The following PACC1 variants were observed in gnomAD, a reference collection of about 807,000 sequenced individuals.
The protein encoded by PACC1 is proton activated chloride channel 1.
A neutral mutation model predicts 39.7 loss-of-function variants in PACC1; 34 were observed. The ratio of observed to expected loss-of-function variants is 0.86; its 90% CI spans 0.65 to 1.14. The LOEUF is 1.14. Ranked by LOEUF, PACC1 falls within the 50% of genes most tolerant of loss-of-function variation. PACC1 has a pLI of 0.00. For synonymous variants in PACC1, 127 were observed against 160.6 expected (o/e 0.79, Z 1.58); for missense variants, 379 against 436.4 (o/e 0.87, Z 1.17).
rs10529310 is a variant in PACC1, at chr1:212,381,770, G to GACACAC, written c.496-1739_496-1734dup. Among the ~76,000 whole-genome samples, 402 of 118,134 alleles carry GACACAC rather than the reference G, an allele frequency of 3.4e-3. 9 individuals are homozygous for GACACAC. Among genetic ancestry groups the GACACAC allele is most frequent in the East Asian group, 0.016 (66 of 4,148 alleles). 77.5% of individuals were successfully genotyped at this position (118,134 alleles called of 152,430 possible). A position where few individuals can be genotyped will look rare whatever the true frequency, so the allele number is the denominator to read the frequency against. ...AACAATGCCCAGGGGACAGCACAGT[G>GACACAC]ACACACACACACACACACACACACA... On this transcript the variant is annotated intron_variant, in intron 4 of 7. Transcript: ENST00000261455.
At chr1:212,379,871 C>T in intron 5 of PACC1, 24 bp downstream of exon 5, 1 of 1,613,480 alleles carries the variant, frequency 6.2e-7, no homozygotes, top group Non-Finnish European at 8.5e-7. Context: ...GACAGTAAGC[C>T]CACTGTGAAC....
At chr1:212,414,162 A>G in intron 1 of PACC1, 1 of 1,399,422 alleles carries the variant, frequency 7.1e-7, no homozygotes, top group Non-Finnish European at 9.4e-7. Context: ...GGAGAGACGA[A>G]GAGGAGCGAG....
At chr1:212,410,041 C>G (rs538813891) in intron 2 of PACC1, 3 of 201,974 alleles carry the variant, frequency 1.5e-5, no homozygotes, top group African/African-American at 6.7e-5. Context: ...CCTGCTTACC[C>G]AACTGAGCAG....
At chr1:212,367,012 A>G (rs1282820280) in intron 7 of PACC1, among the ~76,000 whole-genome samples, 1 of 152,214 alleles carries the variant, frequency 6.6e-6, no homozygotes, top group Non-Finnish European at 1.5e-5. Flanking sequence ...TACTAGATTT[A>G]GGCCTGGCTC....
chr1:212,379,873 ACTGTGAACT>A lies in PACC1; in HGVS notation c.638+13_638+21del. On this transcript the variant is annotated intron_variant, in intron 5 of 7. Transcript: ENST00000261455. The stretch of plus-strand genomic sequence containing the variant: ...AAGATAAAAAGTAGACAGTAAGCCC[ACTGTGAACT>A]CTAAAAGCCCACCTTTGCAGGAACT... 6.2e-7 allele frequency: 1 copy of A among 1,613,908 alleles called. No homozygotes were observed. Among genetic ancestry groups the A allele is most frequent in the Non-Finnish European group, 8.5e-7 (1 of 1,179,890 alleles).
rs994877089 is a variant in PACC1, at chr1:212,385,557, G to A, written c.344-132C>T. The A allele has an allele frequency of 1.6e-5, 15 of 938,320 alleles. No individual in the cohort carries two copies. In the African/African-American group the frequency reaches 2.3e-4, roughly 14 times the overall value. 58.1% of individuals were successfully genotyped at this position (938,320 alleles called of 1,614,324 possible). ...ACTGCAGGGAAGGGAGAAGAAAAGG[G>A]TTTCAGAGGGTGAGGAGCCACATCC... On this transcript the variant is annotated intron_variant, in intron 3 of 7. Transcript: ENST00000261455.
chr1:212,385,718 G>A (rs374640141), intron 3 of PACC1, among the ~76,000 whole-genome samples: 16 of 152,242 alleles, frequency 1.1e-4, no homozygotes, highest in African/African-American at 3.6e-4. Flanking sequence ...CACACCCTCC[G>A]AAGGAGTGTC....
chr1:212,390,981 G>GGCCT (rs529540950), intron 2 of PACC1, among the ~76,000 whole-genome samples: 8,099 of 152,298 alleles, frequency 0.053, 330 homozygotes, highest in Admixed American at 0.11. Flanking sequence ...AGCTCAAGGA[G>GGCCT]GCCTGCCTGC....
chr1:212,388,676 A>G (rs1401703122), intron 2 of PACC1, among the ~76,000 whole-genome samples: 1 of 152,214 alleles, frequency 6.6e-6, no homozygotes, highest in Non-Finnish European at 1.5e-5. Context: ...CCTCACCAGA[A>G]TTCAATCCTG....
At chr1:212,377,922 G>A (rs138947978) in intron 5 of PACC1, among the ~76,000 whole-genome samples, 44 of 152,272 alleles carry the variant, frequency 2.9e-4, no homozygotes, top group African/African-American at 1.0e-3. Flanking sequence ...CCAAATGGAG[G>A]GGTAGTCACT....
intron 2 of PACC1, among the ~76,000 whole-genome samples, chr1:212,400,856 C>G (rs562978279): frequency 1.3e-5 from 2 of 152,224 alleles, no homozygotes; most frequent in African/African-American, 4.8e-5. Context: ...CCAAACTTGC[C>G]CCAGAATGCA....
intron 7 of PACC1, among the ~76,000 whole-genome samples, chr1:212,374,716 G>A (rs1261677522): frequency 6.6e-6 from 1 of 151,980 alleles, no homozygotes; most frequent in Non-Finnish European, 1.5e-5. Flanking sequence ...TTAATGCTTT[G>A]TTAATATTTT....
chr1:212,407,323 A>C (rs144210557), intron 2 of PACC1, among the ~76,000 whole-genome samples: 67 of 152,340 alleles, frequency 4.4e-4, no homozygotes, highest in African/African-American at 1.6e-3. Context: ...TAGAAAAGGC[A>C]AAGACCAAGT....
chr1:212,409,642 T>C (rs1040753845), intron 2 of PACC1, among the ~76,000 whole-genome samples: 3 of 152,020 alleles, frequency 2.0e-5, no homozygotes, highest in African/African-American at 7.2e-5. Flanking sequence ...ATGAGGTCAA[T>C]TTTGGACATG....
chr1:212,384,931 G>A (rs1378578911), intron 4 of PACC1, among the ~76,000 whole-genome samples: 1 of 152,236 alleles, frequency 6.6e-6, no homozygotes, highest in Non-Finnish European at 1.5e-5. Flanking sequence ...AAAGTATCCT[G>A]GCAATTCTGT....
At chr1:212,402,982 T>G (rs1249805161) in intron 2 of PACC1, among the ~76,000 whole-genome samples, 1 of 152,200 alleles carries the variant, frequency 6.6e-6, no homozygotes, top group African/African-American at 2.4e-5. Flanking sequence ...AGGTCTAATC[T>G]ATGAATTTTT....
Position 212,365,209 on chromosome 1 carries a change from G to A in PACC1, c.*6C>T, listed in dbSNP as rs780942180. 3 of 1,612,138 alleles carry A rather than the reference G, an allele frequency of 1.9e-6. No individual in the cohort carries two copies. Among genetic ancestry groups the A allele is most frequent in the African/African-American group, 2.7e-5 (2 of 74,738 alleles). On this transcript the variant is annotated 3_prime_UTR_variant, in exon 8 of 8. Coordinates refer to ENST00000261455, the MANE Select transcript of PACC1 (RefSeq NM_018252.3). The stretch of plus-strand genomic sequence containing the variant: ...TGGACAGTTCTCTAAACAACGCGAG[G>A]TGACTTCAGCTTATGTGGCTCGTTG...
At chr1:212,377,797 G>GCA (rs34228270) in intron 5 of PACC1, 91 bp from the exon 6 acceptor site, 293,897 of 1,463,764 alleles carry the variant, frequency 0.2, 32,069 homozygotes, top group South Asian at 0.3. Flanking sequence ...TTCTTTGCTG[G>GCA]CACAACCAGG....
chr1:212,406,905 A>G (rs778573063), intron 2 of PACC1, among the ~76,000 whole-genome samples: 25 of 152,200 alleles, frequency 1.6e-4, no homozygotes, highest in Non-Finnish European at 3.2e-4. Flanking sequence ...GACAAGCCTC[A>G]TCTTTCCAAG....
Sources: allele counts gnomAD v4.1 joint callset (sites outside exome capture counted in the v4.1 genomes callset), GRCh38; gene constraint gnomAD v4.1.1; transcripts MANE v1.5; gene names NCBI Gene and HGNC (gene_info 2026-07-23, HGNC 2026-07-21).